The following IMMP2L variants were observed in gnomAD, a reference collection of about 807,000 sequenced individuals.
IMMP2L encodes inner mitochondrial membrane peptidase subunit 2, also known as mitochondrial inner membrane protease subunit 2.
In IMMP2L, 18 loss-of-function variants were observed where a neutral mutation model predicts 19.3. The ratio of observed to expected loss-of-function variants is 0.93; its 90% CI spans 0.64 to 1.38. The LOEUF is 1.38. Among genes scored for constraint, IMMP2L ranks in the 40% most tolerant of loss-of-function variants. The pLI is 0.00. For missense variants in IMMP2L, 233 were observed against 218.2 expected, an observed-to-expected ratio of 1.07 and a Z score of -0.43; for synonymous variants, 76 against 73.0, an observed-to-expected ratio of 1.04 and a Z score of -0.21.
chr7:111,213,830 C>G lies in IMMP2L; in HGVS notation c.240-250265G>C, dbSNP rs1811597541. ...CTGCGGAGAGCTATCCAACGTGGGT[C>G]TCCTCGGAGCTGTTCTGTTGCTCAA... is the stretch of plus-strand genomic sequence containing the variant. On this transcript the variant is annotated intron_variant, in intron 3 of 5. Coordinates refer to ENST00000405709, the MANE Select transcript of IMMP2L (RefSeq NM_032549.4). This position sits in a 1 kb window ranked among gnomAD's most constrained non-coding sequence, Gnocchi z 4.8. Among the ~76,000 whole-genome samples, 1 of 152,164 alleles carries G rather than the reference C, an allele frequency of 6.6e-6. No homozygotes were observed. Among genetic ancestry groups the G allele is most frequent in the Non-Finnish European group, 1.5e-5 (1 of 68,026 alleles).
chr7:110,846,268 C>T (rs1247248733), intron 5 of IMMP2L, among the ~76,000 whole-genome samples: 13 of 151,770 alleles, frequency 8.6e-5, no homozygotes, highest in African/African-American at 2.9e-4. Context: ...TGGGTGGTTA[C>T]TTCCAAGAAC....
chr7:111,061,041 G>C (rs1483242775), intron 3 of IMMP2L, among the ~76,000 whole-genome samples: 1 of 152,134 alleles, frequency 6.6e-6, no homozygotes, highest in African/African-American at 2.4e-5. Context: ...ACTTGCAATA[G>C]AACAGTGTTT....
intron 3 of IMMP2L, among the ~76,000 whole-genome samples, chr7:111,062,635 A>G (rs1300869801): frequency 6.6e-6 from 1 of 152,202 alleles, no homozygotes; most frequent in African/African-American, 2.4e-5. Flanking sequence ...ATCAAAAGCA[A>G]GTTTGTTACT....
At chr7:111,496,017 G>C (rs1336701935) in intron 2 of IMMP2L, among the ~76,000 whole-genome samples, 1 of 152,162 alleles carries the variant, frequency 6.6e-6, no homozygotes, top group African/African-American at 2.4e-5. Flanking sequence ...TGTGGAGGCG[G>C]GGGCAATAAC....
intron 3 of IMMP2L, among the ~76,000 whole-genome samples, chr7:111,221,204 T>C (rs917956231): frequency 6.6e-5 from 10 of 151,998 alleles, no homozygotes; most frequent in African/African-American, 2.4e-4. Flanking sequence ...TATCACAAAC[T>C]AAAATTTTAG....
chr7:111,130,975 T>G (rs1801789454), intron 3 of IMMP2L, among the ~76,000 whole-genome samples: 2 of 152,004 alleles, frequency 1.3e-5, no homozygotes, highest in African/African-American at 4.8e-5. Flanking sequence ...AAAATTCTAG[T>G]ACAGAACTTT....
At chr7:111,222,360 CA>C (rs201591030) in intron 3 of IMMP2L, among the ~76,000 whole-genome samples, 1 of 150,470 alleles carries the variant, frequency 6.6e-6, no homozygotes, top group African/African-American at 2.4e-5. Flanking sequence ...AATTTTTGTA[CA>C]AAAAAAACAC....
chr7:111,199,496 C>G (rs1809872008), intron 3 of IMMP2L, among the ~76,000 whole-genome samples: 1 of 152,060 alleles, frequency 6.6e-6, no homozygotes, highest in Non-Finnish European at 1.5e-5. Context: ...ACATTAAAAA[C>G]AGTACTATGT....
chr7:111,325,418 T>C (rs905611240), intron 3 of IMMP2L, among the ~76,000 whole-genome samples: 13 of 151,708 alleles, frequency 8.6e-5, no homozygotes, highest in African/African-American at 2.7e-4. Context: ...ATAAATATAA[T>C]GTTTTAATTC....
chr7:111,529,024 G>A (rs761980040), intron 1 of IMMP2L, among the ~76,000 whole-genome samples: 6 of 152,160 alleles, frequency 3.9e-5, no homozygotes, highest in Non-Finnish European at 7.4e-5. Context: ...AACAAGGTCA[G>A]CATGGTCCTT....
chr7:111,401,858 C>A (rs1833448030), intron 3 of IMMP2L, among the ~76,000 whole-genome samples: 1 of 151,974 alleles, frequency 6.6e-6, no homozygotes, highest in African/African-American at 2.4e-5. Context: ...TGCCAACATT[C>A]CAAACACAGT....
At chr7:110,672,474 C>T (rs536741248) in intron 5 of IMMP2L, among the ~76,000 whole-genome samples, 23 of 152,124 alleles carry the variant, frequency 1.5e-4, no homozygotes, top group Non-Finnish European at 3.1e-4. Context: ...AAAACACAAT[C>T]GTGTCTTTCC....
At chr7:111,118,387 T>C (rs979313299) in intron 3 of IMMP2L, among the ~76,000 whole-genome samples, 1 of 151,980 alleles carries the variant, frequency 6.6e-6, no homozygotes, top group Non-Finnish European at 1.5e-5. Context: ...CAAGAAACAA[T>C]CTGTATTTTC....
intron 5 of IMMP2L, among the ~76,000 whole-genome samples, chr7:110,772,857 A>C (rs1489285990): frequency 1.3e-5 from 2 of 152,138 alleles, no homozygotes; most frequent in Non-Finnish European, 2.9e-5. Flanking sequence ...ATGCCTGCAT[A>C]TTAAGGACCA....
intron 4 of IMMP2L, among the ~76,000 whole-genome samples, chr7:110,915,473 G>A (rs1813506713): frequency 6.6e-6 from 1 of 152,146 alleles, no homozygotes; most frequent in South Asian, 2.1e-4. Flanking sequence ...TGGGGGAAAT[G>A]GGGAGATGTT....
rs547569278 is a variant in IMMP2L, at chr7:111,505,215, A to G, written c.135+16098T>C. Among the ~76,000 whole-genome samples the G allele has an allele frequency of 5.7e-3, 864 of 151,920 alleles. 14 individuals are homozygous for G. The highest frequency in any genetic ancestry group is 0.02 in the African/African-American group (818 of 41,410). ...AGACATTTATGCAGCCAAAAAACAC[A>G]TGAAAAAATGCTCATCATCACTGGC... On this transcript the variant is annotated intron_variant, in intron 2 of 5. Coordinates refer to ENST00000405709, the MANE Select transcript of IMMP2L (RefSeq NM_032549.4).
intron 3 of IMMP2L, among the ~76,000 whole-genome samples, chr7:111,107,156 A>G (rs1212071184): frequency 1.8e-5 from 2 of 110,762 alleles, no homozygotes; most frequent in Non-Finnish European, 3.8e-5. Context: ...AGATTCAGAA[A>G]CTTCCTTCTT....
intron 5 of IMMP2L, among the ~76,000 whole-genome samples, chr7:110,790,132 T>C (rs1277453894): frequency 2.6e-5 from 4 of 151,524 alleles, no homozygotes; most frequent in Non-Finnish European, 5.9e-5. Context: ...CATAGCTCCA[T>C]AAATATTCCT....
rs561446179 is a variant in IMMP2L at position 111,554,195 on chromosome 7, T to A, written c.-3+7656A>T. On this transcript the variant is annotated intron_variant, in intron 1 of 5. Transcript: ENST00000405709. ...CTCATCCCCCAGATACTTGATATAA[T>A]TGCACTGGTTTGTGTTAGCTGTCTA... Among the ~76,000 whole-genome samples the A allele has an allele frequency of 2.6e-5, 4 of 152,286 alleles. No homozygotes were observed. In the East Asian group the frequency reaches 7.7e-4, roughly 29 times the overall value.
Sources: gnomAD v4.1 joint callset for allele counts (sites outside exome capture counted in the v4.1 genomes callset) on GRCh38, gnomAD v4.1.1 for gene constraint, Gnocchi (gnomAD v3.1) non-coding constraint, MANE v1.5 for transcripts, NCBI Gene and HGNC (gene_info 2026-07-23, HGNC 2026-07-21) for gene names.